The following PSEN1 variants were observed in gnomAD, a reference collection of about 807,000 sequenced individuals.
The protein encoded by PSEN1 is presenilin 1, also known as presenilin-1.
A neutral mutation model predicts 53.5 loss-of-function variants in PSEN1; 15 were observed. The ratio of observed to expected loss-of-function variants is 0.28; its 90% CI spans 0.19 to 0.43. The LOEUF (loss-of-function observed/expected upper bound fraction) is 0.43. Ranked by LOEUF, PSEN1 falls within the 20% of genes least tolerant of loss-of-function variation. The probability of loss-of-function intolerance (pLI) is 1.00; values close to 1 mark genes in which losing one functional copy is unlikely to be tolerated. For synonymous variants in PSEN1, 208 were observed against 209.8 expected (o/e 0.99, Z 0.08); for missense variants, 387 against 571.2 (o/e 0.68, Z 3.29).
rs34048372 is a variant in PSEN1, at chr14:73,160,803, CTTTT to C, written c.88-9975_88-9972del. On this transcript the variant is annotated intron_variant, in intron 3 of 11. Transcript: ENST00000324501. ...TTTTTCCAATTGTTTAATTGTAGGA[CTTTT>C]TTTTTTTTTTTTTTTTTTGAGATGG... 1.1e-4 allele frequency among the ~76,000 whole-genome samples: 9 copies of C among 84,722 alleles called. No individual in the cohort carries two copies. The South Asian group carries it at 3.5e-3, about 33-fold the overall frequency. The allele number at this position is 84,722 out of a possible 152,430, so 55.6% of individuals were successfully genotyped here.
In PSEN1 at chr14:73,138,402, G is replaced by T. The variant is rs367957067; in HGVS notation, c.-136+1819G>T. 2.6e-4 allele frequency among the ~76,000 whole-genome samples: 40 copies of T among 151,262 alleles called. No individual in the cohort carries two copies. The East Asian group carries it at 7.7e-3, about 29-fold the overall frequency. ...CCCGGCTAATTTTTTTGTATTTTTA[G>T]TAGACACGGGGTTTCACCGTGTTAG... is the stretch of plus-strand genomic sequence containing the variant. On this transcript the variant is annotated intron_variant, in intron 1 of 11. Coordinates refer to ENST00000324501, the MANE Select transcript of PSEN1 (RefSeq NM_000021.4).
chr14:73,214,014 C>T (rs1899807878), intron 10 of PSEN1, among the ~76,000 whole-genome samples: 1 of 151,938 alleles, frequency 6.6e-6, no homozygotes. Flanking sequence ...CATATGTCAA[C>T]ACAAAGACAC....
intron 3 of PSEN1, among the ~76,000 whole-genome samples, chr14:73,167,605 A>AC (rs1306203087): frequency 6.6e-6 from 1 of 152,070 alleles, no homozygotes; most frequent in African/African-American, 2.4e-5. Context: ...GATCATTCAA[A>AC]CTATAGCACC....
At chr14:73,186,320 G>A (rs568168329) in intron 5 of PSEN1, among the ~76,000 whole-genome samples, 10 of 152,152 alleles carry the variant, frequency 6.6e-5, no homozygotes, top group Middle Eastern at 3.4e-3. Flanking sequence ...CGGAGGTTGC[G>A]GTGAGCCGAG....
intron 4 of PSEN1, 71 bp from the exon 5 acceptor site, chr14:73,173,495 T>A: frequency 6.9e-7 from 1 of 1,453,566 alleles, no homozygotes. Context: ...AAATTCTGTG[T>A]TGGAGGTGGT....
At chr14:73,194,553 G>C (rs1194596026) in intron 7 of PSEN1, among the ~76,000 whole-genome samples, 3 of 148,056 alleles carry the variant, frequency 2.0e-5, no homozygotes, top group African/African-American at 7.5e-5. Flanking sequence ...GAGCCACCAT[G>C]CCTGGCCATA....
At chr14:73,195,061 T>C (rs1898885402) in intron 7 of PSEN1, among the ~76,000 whole-genome samples, 1 of 152,240 alleles carries the variant, frequency 6.6e-6, no homozygotes, top group South Asian at 2.1e-4. Flanking sequence ...AATTACCTTA[T>C]GTTGTATAGT....
chr14:73,183,590 G>T (rs1446983028), intron 5 of PSEN1, among the ~76,000 whole-genome samples: 11 of 152,186 alleles, frequency 7.2e-5, no homozygotes, highest in Non-Finnish European at 1.2e-4. Context: ...CACAGCACAT[G>T]TTTCAGAGAG....
intron 1 of PSEN1, among the ~76,000 whole-genome samples, chr14:73,145,636 G>A (rs1340749009): frequency 2.0e-5 from 3 of 152,032 alleles, no homozygotes; most frequent in African/African-American, 4.8e-5. Context: ...CACCGAGCCC[G>A]GCCTCATGCA....
intron 9 of PSEN1, among the ~76,000 whole-genome samples, chr14:73,210,415 C>T (rs1439859705): frequency 6.6e-6 from 1 of 152,100 alleles, no homozygotes; most frequent in Non-Finnish European, 1.5e-5. Flanking sequence ...CATTTGCGTG[C>T]ACTAAAGGAT....
chr14:73,197,812 A>T, intron 7 of PSEN1: 1 of 551,006 alleles, frequency 1.8e-6, no homozygotes, highest in East Asian at 3.2e-5. Context: ...CCCAAATGAA[A>T]TTTTTACAGA....
At chr14:73,199,513 C>T (rs1398795618) in intron 8 of PSEN1, among the ~76,000 whole-genome samples, 1 of 152,174 alleles carries the variant, frequency 6.6e-6, no homozygotes, top group African/African-American at 2.4e-5. Flanking sequence ...TGGGTATCCT[C>T]ATTGATAGAC....
chr14:73,144,703 A>G (rs1181493577), intron 1 of PSEN1, among the ~76,000 whole-genome samples: 1 of 152,206 alleles, frequency 6.6e-6, no homozygotes, highest in African/African-American at 2.4e-5. Context: ...TTAGTTTAAT[A>G]ATGTCTCTAA....
Position 73,157,870 on chromosome 14 carries a change from C to T in PSEN1, c.87+9764C>T, listed in dbSNP as rs1897407840. ...GGGTGGTGGCGTGCACCTGTAATCT[C>T]AGCTCCTCAGGAGGCTGAGACATGA... On this transcript the variant is annotated intron_variant, in intron 3 of 11. Transcript: ENST00000324501. Among the ~76,000 whole-genome samples the T allele has an allele frequency of 2.6e-5, 4 of 152,012 alleles. No homozygotes were observed. The South Asian group carries it at 8.3e-4, about 32-fold the overall frequency.
chr14:73,155,932 G>C (rs568251929), intron 3 of PSEN1, among the ~76,000 whole-genome samples: 176 of 152,282 alleles, frequency 1.2e-3, no homozygotes, highest in African/African-American at 4.1e-3. Context: ...AGGTTCATCT[G>C]TTGTAACGGT....
chr14:73,162,507 C>T (rs1337497360), intron 3 of PSEN1, among the ~76,000 whole-genome samples: 4 of 150,412 alleles, frequency 2.7e-5, no homozygotes, highest in African/African-American at 9.8e-5. Flanking sequence ...CGCGAACAAG[C>T]GATTGAGTGA....
chr14:73,217,795 A>ATTTTTTT (rs746495189), intron 11 of PSEN1, among the ~76,000 whole-genome samples: 1 of 126,314 alleles, frequency 7.9e-6, no homozygotes, highest in African/African-American at 3.1e-5. Context: ...CAAAACTATG[A>ATTTTTTT]TTTTTTTTTT....
At chr14:73,211,286 C>T (rs755968905) in intron 9 of PSEN1, among the ~76,000 whole-genome samples, 3 of 152,164 alleles carry the variant, frequency 2.0e-5, no homozygotes, top group Admixed American at 6.5e-5. Flanking sequence ...CACTGCTCTT[C>T]GTGGTCATGA....
rs865976624 is a variant in PSEN1 at position 73,157,137 on chromosome 14, T to A, written c.87+9031T>A. On this transcript the variant is annotated intron_variant, in intron 3 of 11. Transcript: ENST00000324501. ...CCTTGAGAAAGATACCTTTTTTTTT[T>A]TTTGCGAGGGAGTTTCACTCTTTTG... Among the ~76,000 whole-genome samples, 38 of 151,838 alleles carry A rather than the reference T, an allele frequency of 2.5e-4. 1 individual carries two copies. In the South Asian group the frequency reaches 4.8e-3, roughly 19 times the overall value.
Sources: gnomAD v4.1 joint callset for allele counts (sites outside exome capture counted in the v4.1 genomes callset) on GRCh38, gnomAD v4.1.1 for gene constraint, MANE v1.5 for transcripts, NCBI Gene and HGNC (gene_info 2026-07-23, HGNC 2026-07-21) for gene names.